VPS54: variants seen among roughly 807,000 people sequenced by gnomAD.
VPS54 encodes VPS54 subunit of GARP complex.
A neutral mutation model predicts 121.5 loss-of-function variants in VPS54; 45 were observed. The observed-to-expected ratio is 0.37, with a 90% CI of 0.29 to 0.47. VPS54 has a LOEUF of 0.47. Among genes scored for constraint, VPS54 ranks in the 20% least tolerant of loss-of-function variants. The pLI is 0.99. For missense variants in VPS54, 1,090 were observed against 1,131.4 expected (o/e 0.96, Z 0.52); for synonymous variants, 371 against 385.8 (o/e 0.96, Z 0.45).
At chr2:63,988,728 C>T (rs1406539487) in intron 1 of VPS54, among the ~76,000 whole-genome samples, 1 of 151,976 alleles carries the variant, frequency 6.6e-6, no homozygotes, top group Admixed American at 6.6e-5. Flanking sequence ...CCTCGGGACC[C>T]TGTGATGATT....
intron 7 of VPS54, among the ~76,000 whole-genome samples, chr2:63,957,490 A>G (rs1163071492): frequency 6.6e-6 from 1 of 151,956 alleles, no homozygotes; most frequent in East Asian, 1.9e-4. Context: ...AAATTGCCCA[A>G]TTTTGCAACA....
At chr2:64,012,303 G>A (rs1000871073) in intron 1 of VPS54, among the ~76,000 whole-genome samples, 1 of 151,972 alleles carries the variant, frequency 6.6e-6, no homozygotes, top group African/African-American at 2.4e-5. Context: ...TCCAATCTCA[G>A]ATGAGCCTCT....
intron 1 of VPS54, among the ~76,000 whole-genome samples, chr2:64,012,378 T>C (rs1250433765): frequency 2.7e-5 from 4 of 149,404 alleles, no homozygotes; most frequent in African/African-American, 7.4e-5. Flanking sequence ...TTCCCCACAA[T>C]ATGTGGAACA....
chr2:63,920,041 T>C (rs2104449963), intron 14 of VPS54, 46 bp from the exon 15 acceptor site: 1 of 1,488,690 alleles, frequency 6.7e-7, no homozygotes, highest in Non-Finnish European at 9.2e-7. Context: ...AACATTTCAA[T>C]ACCATCTTCC....
chr2:63,895,691 A>C (rs1318067488), intron 22 of VPS54, among the ~76,000 whole-genome samples: 4 of 143,600 alleles, frequency 2.8e-5, no homozygotes, highest in Admixed American at 6.9e-5. Flanking sequence ...GCAATTTCAG[A>C]AACAAAAACT....
At chr2:63,975,037 T>C (rs1443118141) in intron 3 of VPS54, 39 of 1,548,138 alleles carry the variant, frequency 2.5e-5, no homozygotes, top group Non-Finnish European at 3.4e-5. Flanking sequence ...AGCTACAGAG[T>C]TTTTGTAGAT....
At chr2:63,938,366 T>C (rs1272676477) in intron 11 of VPS54, among the ~76,000 whole-genome samples, 1 of 152,034 alleles carries the variant, frequency 6.6e-6, no homozygotes. Flanking sequence ...AGATGACAAA[T>C]AGCCGAGGGC....
At chr2:63,974,855 T>A in intron 3 of VPS54, 2 of 1,028,014 alleles carry the variant, frequency 1.9e-6, no homozygotes. Context: ...ATTTTCCACA[T>A]AGACGATCAT....
intron 11 of VPS54, 25 bp from the exon 12 acceptor site, chr2:63,934,038 T>C (rs966353245): frequency 1.3e-6 from 2 of 1,580,192 alleles, no homozygotes; most frequent in Non-Finnish European, 1.7e-6. Context: ...GACACACTTT[T>C]AAGGGACGTA....
chr2:63,897,644 C>A (rs1672502142), intron 21 of VPS54, 54 bp from the exon 22 acceptor site: 2 of 1,059,252 alleles, frequency 1.9e-6, no homozygotes, highest in African/African-American at 1.6e-5. Context: ...TAGAAGATAT[C>A]TGAGTTATCA....
chr2:63,930,598 C>T (rs745396724), intron 12 of VPS54, among the ~76,000 whole-genome samples: 26 of 152,156 alleles, frequency 1.7e-4, no homozygotes, highest in Non-Finnish European at 2.6e-4. Flanking sequence ...CTTTGAAAAC[C>T]GGCACAAGAC....
rs540283030 is a variant in VPS54 at position 63,972,941 on chromosome 2, A to C, written c.379-697T>G. ...TTATTGACACGTTCTGAGTAAAAAAAAAAAAAATCTCACTCTGATTTAGAA... is the reference window on the plus strand; with the variant it reads ...TTATTGACACGTTCTGAGTAAAAAACAAAAAAATCTCACTCTGATTTAGAA... On this transcript the variant is annotated intron_variant, in intron 3 of 22. Transcript: ENST00000272322. Among the ~76,000 whole-genome samples, 4 of 152,284 alleles carry C rather than the reference A, an allele frequency of 2.6e-5. No individual in the cohort carries two copies. In the East Asian group the frequency reaches 7.7e-4, roughly 29 times the overall value.
chr2:63,992,841 C>T (rs1215759767), intron 1 of VPS54, among the ~76,000 whole-genome samples: 3 of 152,166 alleles, frequency 2.0e-5, no homozygotes, highest in African/African-American at 7.2e-5. Context: ...TTACATAAAT[C>T]AGATTGTGAA....
chr2:63,915,561 C>A (rs1027895784), intron 16 of VPS54, among the ~76,000 whole-genome samples: 5 of 152,212 alleles, frequency 3.3e-5, no homozygotes, highest in Admixed American at 3.3e-4. Context: ...AGTTTTTTGG[C>A]AACAGACTCT....
intron 3 of VPS54, among the ~76,000 whole-genome samples, chr2:63,973,866 G>A (rs1354225454): frequency 6.6e-6 from 1 of 152,130 alleles, no homozygotes; most frequent in African/African-American, 2.4e-5. Flanking sequence ...TATCAGATAT[G>A]TGTTTTCTAA....
intron 10 of VPS54, among the ~76,000 whole-genome samples, chr2:63,943,698 G>T (rs1674840450): frequency 7.0e-6 from 1 of 143,632 alleles, no homozygotes; most frequent in Non-Finnish European, 1.5e-5. Context: ...AATAGAATAG[G>T]AATTTTTCTT....
chr2:64,014,952 C>T (rs1199423517), intron 1 of VPS54, among the ~76,000 whole-genome samples: 1 of 151,950 alleles, frequency 6.6e-6, no homozygotes, highest in Non-Finnish European at 1.5e-5. Context: ...TAAAGTGGAG[C>T]TCATAGGGGA....
Position 63,914,208 on chromosome 2 carries a change from G to T in VPS54, c.2308C>A (p.Leu770Ile). ...DNIPSVTTDM[L>I]TRLSDLLKYF... ...TTCAATAAATCTGACAGACGAGTAAGCATGTCAGTAGTAACAGATGGGATG... is the reference window on the plus strand; with the variant it reads ...TTCAATAAATCTGACAGACGAGTAATCATGTCAGTAGTAACAGATGGGATG... Residue 770 changes from leucine (L) to isoleucine (I), a missense_variant, in exon 17 of 23, where the codon CTT (leucine) becomes ATT (isoleucine). Transcript: ENST00000272322. 6.2e-7 allele frequency: 1 copy of T among 1,613,294 alleles called. No individual in the cohort carries two copies.
intron 21 of VPS54, among the ~76,000 whole-genome samples, chr2:63,898,522 G>T (rs976770360): frequency 6.6e-6 from 1 of 152,106 alleles, no homozygotes; most frequent in African/African-American, 2.4e-5. Flanking sequence ...GTATAGGATG[G>T]AAGTTTGAGG....
Sources: allele counts gnomAD v4.1 joint callset (sites outside exome capture counted in the v4.1 genomes callset), GRCh38; gene constraint gnomAD v4.1.1; transcripts MANE v1.5; gene names NCBI Gene and HGNC (gene_info 2026-07-23, HGNC 2026-07-21).